Variants in CHRM2 observed in about 807,000 individuals in gnomAD.
CHRM2 encodes the protein muscarinic acetylcholine receptor M2.
Under a neutral mutation model 25.0 loss-of-function variants are expected in CHRM2, and 8 were observed. The ratio of observed to expected loss-of-function variants is 0.32; its 90% CI spans 0.19 to 0.58. The LOEUF (loss-of-function observed/expected upper bound fraction) is 0.58, where lower values mean the gene tolerates loss of function less well. Ranked by LOEUF, CHRM2 falls within the 20% of genes least tolerant of loss-of-function variation. The pLI, the probability that CHRM2 is intolerant of heterozygous loss-of-function variation, is 0.88. For synonymous variants in CHRM2, 202 were observed against 205.7 expected (o/e 0.98, Z 0.15); for missense variants, 440 against 567.1 (o/e 0.78, Z 2.28).
intron 2 of CHRM2, among the ~76,000 whole-genome samples, chr7:136,879,427 C>A (rs893797727): frequency 2.0e-5 from 3 of 151,980 alleles, no homozygotes; most frequent in African/African-American, 4.8e-5. Context: ...TGGAATAATT[C>A]TGTTCCTGTT....
intron 3 of CHRM2, among the ~76,000 whole-genome samples, chr7:136,999,835 G>A (rs375463135): frequency 1.1e-4 from 17 of 152,098 alleles, no homozygotes; most frequent in Non-Finnish European, 1.6e-4. Context: ...GTTGGTGAAC[G>A]GGAAACAACT....
intron 2 of CHRM2, among the ~76,000 whole-genome samples, chr7:136,908,317 G>T (rs1248033512): frequency 6.6e-6 from 1 of 151,794 alleles, no homozygotes; most frequent in Non-Finnish European, 1.5e-5. Flanking sequence ...TAGTTACGAG[G>T]CTCTTATTCT....
In CHRM2 at chr7:137,018,359, G is replaced by A. The variant is rs1258768426; in HGVS notation, c.*2093G>A. On this transcript the variant is annotated 3_prime_UTR_variant, in exon 4 of 4. Coordinates refer to ENST00000680005, the MANE Select transcript of CHRM2 (RefSeq NM_001006630.2). ...CATATTTAAAGCATTCATTTATAGA[G>A]ATTCCCTTACCTACAGTTACTTCAA... The A allele has an allele frequency of 6.6e-6, 1 of 151,820 alleles. No homozygotes were observed. The highest frequency in any genetic ancestry group is 1.5e-5 in the Non-Finnish European group (1 of 67,898). The allele number at this position is 151,820 out of a possible 1,614,324, so 9.4% of individuals were successfully genotyped here.
At chr7:136,950,614 T>C (rs1349243999) in intron 2 of CHRM2, among the ~76,000 whole-genome samples, 1 of 151,766 alleles carries the variant, frequency 6.6e-6, no homozygotes, top group Non-Finnish European at 1.5e-5. Context: ...ACGATGTAAA[T>C]GAATAAATAA....
chr7:136,942,190 G>A (rs141250854), intron 2 of CHRM2, among the ~76,000 whole-genome samples: 1 of 152,180 alleles, frequency 6.6e-6, no homozygotes, highest in East Asian at 1.9e-4. Flanking sequence ...CAATATTTGA[G>A]GTCTGTTGTT....
chr7:137,018,460 T>A lies in CHRM2; in HGVS notation c.*2194T>A, dbSNP rs1048078346. The A allele has an allele frequency of 2.6e-5, 4 of 151,938 alleles. No individual in the cohort carries two copies. The highest frequency in any genetic ancestry group is 2.6e-4 in the Admixed American group (4 of 15,216). 9.4% of individuals were successfully genotyped at this position (151,938 alleles called of 1,614,324 possible). ...AATGAAGGAATCAGTTGAACGGAAA[T>A]AACGTCAAGCCAGTGGGCTCCTCGA... On this transcript the variant is annotated 3_prime_UTR_variant, in exon 4 of 4. Transcript: ENST00000680005.
At chr7:136,900,492 T>G (rs1307565178) in intron 2 of CHRM2, among the ~76,000 whole-genome samples, 1 of 151,958 alleles carries the variant, frequency 6.6e-6, no homozygotes, top group African/African-American at 2.4e-5. Context: ...CTTACTTCAG[T>G]TTGGTTCTCC....
intron 2 of CHRM2, among the ~76,000 whole-genome samples, chr7:136,964,977 T>C (rs142922698): frequency 1.1e-3 from 161 of 152,288 alleles, no homozygotes; most frequent in African/African-American, 3.6e-3. Flanking sequence ...GGAAATTTTG[T>C]TGAGAACTCA....
At chr7:136,948,896 C>G (rs113501938) in intron 2 of CHRM2, among the ~76,000 whole-genome samples, 59 of 152,228 alleles carry the variant, frequency 3.9e-4, no homozygotes, top group African/African-American at 1.4e-3. Flanking sequence ...GAAATAGCAT[C>G]AAGTCAGTTC....
intron 2 of CHRM2, among the ~76,000 whole-genome samples, chr7:136,957,605 T>C (rs1277054581): frequency 1.3e-5 from 2 of 152,220 alleles, no homozygotes; most frequent in Non-Finnish European, 2.9e-5. Context: ...ACAGAGTATT[T>C]ATGGGATGAC....
intron 2 of CHRM2, among the ~76,000 whole-genome samples, chr7:136,885,901 G>C (rs1796443910): frequency 6.6e-6 from 1 of 152,114 alleles, no homozygotes. Context: ...CAACACATAG[G>C]AATGGAACAT....
In CHRM2 at chr7:137,019,118, T is replaced by C. The variant is rs550635299; in HGVS notation, c.*2852T>C. The C allele has an allele frequency of 2.0e-5, 3 of 152,074 alleles. No individual in the cohort carries two copies. Among genetic ancestry groups the C allele is most frequent in the South Asian group, 2.1e-4 (1 of 4,828 alleles). The allele number at this position is 152,074 out of a possible 1,614,324, so 9.4% of individuals were successfully genotyped here. Reference sequence around the variant, plus strand: ...GCTCAAAATGTCAATAGTTCCAAGATTGAGAAATTCTTGTCTACTTTAAGG... The same window carrying C: ...GCTCAAAATGTCAATAGTTCCAAGACTGAGAAATTCTTGTCTACTTTAAGG... On this transcript the variant is annotated 3_prime_UTR_variant, in exon 4 of 4. Coordinates refer to ENST00000680005, the MANE Select transcript of CHRM2 (RefSeq NM_001006630.2).
In CHRM2 at chr7:137,015,552, C is replaced by T; in HGVS notation, c.687C>T (p.Asp229=). ...AGAAGGAGCCTGTTGCCAACCAAGA[C>T]CCCGTTTCTCCAAGTCTGGTACAAG... ...KDKKEPVANQ[D]PVSPSLVQGR... Residue 229 remains aspartate, a synonymous_variant, in exon 4 of 4, where the codon GAC becomes GAT. Transcript: ENST00000680005. The surrounding 1 kb of genome is among the most constrained non-coding windows in gnomAD (Gnocchi z 5.1). The T allele has an allele frequency of 6.2e-7, 1 of 1,612,896 alleles. No homozygotes were observed. Among genetic ancestry groups the T allele is most frequent in the African/African-American group, 1.3e-5 (1 of 74,952 alleles).
At chr7:136,957,029 C>T (rs933217836) in intron 2 of CHRM2, among the ~76,000 whole-genome samples, 2 of 152,122 alleles carry the variant, frequency 1.3e-5, no homozygotes, top group African/African-American at 4.8e-5. Context: ...TCAGAGATGC[C>T]TAATGGAGGT....
chr7:136,936,673 T>A (rs1383771437), intron 2 of CHRM2, among the ~76,000 whole-genome samples: 2 of 152,202 alleles, frequency 1.3e-5, no homozygotes, highest in Non-Finnish European at 2.9e-5. Context: ...AGTACAAGTA[T>A]CATTTTCTTT....
intron 2 of CHRM2, among the ~76,000 whole-genome samples, chr7:136,954,543 C>T (rs563597012): frequency 6.6e-6 from 1 of 152,316 alleles, no homozygotes; most frequent in Admixed American, 6.5e-5. Context: ...GTCTCCTCTT[C>T]ATATTCAATG....
intron 2 of CHRM2, among the ~76,000 whole-genome samples, chr7:136,930,112 A>G (rs62485244): frequency 0.24 from 36,220 of 151,980 alleles, 5,678 homozygotes; most frequent in Non-Finnish European, 0.35. Flanking sequence ...AAGAAGCTCA[A>G]TAAATGCATG....
At chr7:136,947,194 G>A (rs183528452) in intron 2 of CHRM2, among the ~76,000 whole-genome samples, 12 of 152,232 alleles carry the variant, frequency 7.9e-5, no homozygotes, top group South Asian at 4.1e-4. Context: ...GAAAGCTGTC[G>A]TGGTTTTTTT....
intron 2 of CHRM2, among the ~76,000 whole-genome samples, chr7:136,913,124 C>T (rs1254298728): frequency 6.6e-6 from 1 of 151,840 alleles, no homozygotes; most frequent in Non-Finnish European, 1.5e-5. Context: ...ACATTAAGCT[C>T]CTGACAAACT....
Sources: allele counts gnomAD v4.1 joint callset (sites outside exome capture counted in the v4.1 genomes callset), GRCh38; gene constraint gnomAD v4.1.1; non-coding constraint Gnocchi (gnomAD v3.1); transcripts MANE v1.5; gene names NCBI Gene and HGNC (gene_info 2026-07-23, HGNC 2026-07-21).